TJP2: variants seen among roughly 807,000 people sequenced by gnomAD.
The protein encoded by TJP2 is Friedreich ataxia region gene X104 (tight junction protein ZO-2).
Under a neutral mutation model 133.1 loss-of-function variants are expected in TJP2, and 91 were observed. The ratio of observed to expected loss-of-function variants is 0.68; its 90% confidence interval spans 0.58 to 0.81. TJP2 has a LOEUF of 0.81. Among genes scored for constraint, TJP2 ranks in the 40% least tolerant of loss-of-function variants. The probability of loss-of-function intolerance (pLI) is 0.00; values close to 1 mark genes in which losing one functional copy is unlikely to be tolerated. For synonymous variants in TJP2, 592 were observed against 583.4 expected (o/e 1.01, Z -0.21); for missense variants, 1,541 against 1,565.6 (o/e 0.98, Z 0.26).
intron 5 of TJP2, among the ~76,000 whole-genome samples, chr9:69,223,402 G>A (rs926767338): frequency 6.6e-5 from 10 of 152,178 alleles, no homozygotes; most frequent in Non-Finnish European, 1.3e-4. Context: ...CCATCTCCCG[G>A]GTTCACACCA....
chr9:69,206,577 A>T (rs1827426906), intron 1 of TJP2, among the ~76,000 whole-genome samples: 1 of 150,388 alleles, frequency 6.6e-6, no homozygotes, highest in African/African-American at 2.4e-5. Context: ...TTATTTATTT[A>T]ATTTTTTTAT....
chr9:69,212,457 C>CT, intron 1 of TJP2, 91 bp from the exon 2 acceptor site: 1 of 986,416 alleles, frequency 1.0e-6, no homozygotes, highest in Non-Finnish European at 1.6e-6. Context: ...GTGAGCTGGA[C>CT]TTTATGTCGA....
chr9:69,160,420 C>T (rs929196682), intron 2 of TJP2, among the ~76,000 whole-genome samples: 3 of 152,136 alleles, frequency 2.0e-5, no homozygotes, highest in South Asian at 2.1e-4. Context: ...TTTGATGTAC[C>T]TTCTACAAAC....
intron 1 of TJP2, among the ~76,000 whole-genome samples, chr9:69,130,681 G>A (rs1408120782): frequency 1.3e-5 from 2 of 152,150 alleles, no homozygotes; most frequent in Non-Finnish European, 2.9e-5. Flanking sequence ...CAGGGGCTTG[G>A]TGGAGCTGTG....
chr9:69,187,403 G>C (rs946540), intron 1 of TJP2, among the ~76,000 whole-genome samples: 70,588 of 152,010 alleles, frequency 0.46, 16,641 homozygotes, highest in South Asian at 0.53. Context: ...TTATATTTGT[G>C]TTGTCAAAAC....
intron 1 of TJP2, among the ~76,000 whole-genome samples, chr9:69,134,289 C>T (rs1185511334): frequency 1.3e-5 from 2 of 152,190 alleles, no homozygotes; most frequent in Non-Finnish European, 2.9e-5. Flanking sequence ...CAGAGCAGAG[C>T]TTACAGTCTG....
chr9:69,234,398 C>CTTTTT (rs202100183), intron 11 of TJP2, 41 bp from the exon 12 acceptor site: 14 of 982,960 alleles, frequency 1.4e-5, no homozygotes, highest in East Asian at 8.4e-5. Context: ...TTCTTTCTTT[C>CTTTTT]TTTTTTTTTT....
intron 1 of TJP2, among the ~76,000 whole-genome samples, chr9:69,132,821 G>T (rs1822556428): frequency 6.6e-6 from 1 of 152,176 alleles, no homozygotes; most frequent in Non-Finnish European, 1.5e-5. Flanking sequence ...CTTAGTGGGA[G>T]TTCAGAAGGC....
chr9:69,247,390 A>G (rs182688858), intron 18 of TJP2, among the ~76,000 whole-genome samples: 30 of 152,268 alleles, frequency 2.0e-4, no homozygotes, highest in Middle Eastern at 3.4e-3. Context: ...TTTATTTTAG[A>G]AGCTTTTGGT....
In TJP2 at chr9:69,236,162, G is replaced by C; in HGVS notation, c.1915G>C (p.Asp639His). The change falls in exon 13 of 23, where the codon GAC becomes CAC. Residue 639 changes from aspartate to histidine, a missense_variant. Coordinates refer to ENST00000377245, the MANE Select transcript of TJP2 (RefSeq NM_004817.4). Reference sequence around the variant, plus strand: ...CTTCCGAGTGGTAGACACACTGTATGACGGCAAGCTGGGCAACTGGCTGGC... The same window carrying C: ...CTTCCGAGTGGTAGACACACTGTATCACGGCAAGCTGGGCAACTGGCTGGC... ...EVFRVVDTLY[D>H]GKLGNWLAVR... The C allele has an allele frequency of 6.2e-7, 1 of 1,614,194 alleles. No homozygotes were observed. The highest frequency in any genetic ancestry group is 8.5e-7 in the Non-Finnish European group (1 of 1,180,032).
In TJP2 at chr9:69,254,335, C is replaced by T. The variant is rs1280977016; in HGVS notation, c.3534C>T (p.Tyr1178=). 1.2e-6 allele frequency: 2 copies of T among 1,614,238 alleles called. No individual in the cohort carries two copies. The highest frequency in any genetic ancestry group is 2.7e-5 in the African/African-American group (2 of 75,058). Residue 1178 remains tyrosine (Y), a synonymous_variant, in exon 23 of 23, where the codon TAC becomes TAT. Coordinates refer to ENST00000377245, the MANE Select transcript of TJP2 (RefSeq NM_004817.4). ...QQLSEHSKRG[Y]YGQSARYRDT... The stretch of plus-strand genomic sequence containing the variant: ...TGTCAGAACACTCCAAGCGCGGTTA[C>T]TATGGCCAGTCTGCCCGATACCGGG...
At chr9:69,153,984 T>C (rs971831933) in intron 2 of TJP2, among the ~76,000 whole-genome samples, 1 of 152,186 alleles carries the variant, frequency 6.6e-6, no homozygotes, top group Admixed American at 6.5e-5. Context: ...GGGCCTTTTA[T>C]GTGCCAAGCA....
chr9:69,133,865 C>A (rs983905724), intron 1 of TJP2, among the ~76,000 whole-genome samples: 9 of 152,054 alleles, frequency 5.9e-5, no homozygotes. Context: ...TTTTCTGGCT[C>A]TTGAACACAC....
intron 2 of TJP2, among the ~76,000 whole-genome samples, chr9:69,164,789 G>A (rs979786630): frequency 9.2e-5 from 14 of 152,162 alleles, no homozygotes; most frequent in Non-Finnish European, 4.4e-5. Context: ...CCGGAAAGCC[G>A]GGAAGTGAAT....
At chr9:69,247,454 G>T (rs1401009356) in intron 18 of TJP2, among the ~76,000 whole-genome samples, 1 of 152,210 alleles carries the variant, frequency 6.6e-6, no homozygotes, top group Non-Finnish European at 1.5e-5. Flanking sequence ...ACTTGACAGT[G>T]ACTATTTTGT....
At chr9:69,226,358 G>C (rs924524506) in intron 7 of TJP2, among the ~76,000 whole-genome samples, 183 bp downstream of exon 7, 1 of 152,180 alleles carries the variant, frequency 6.6e-6, no homozygotes, top group Non-Finnish European at 1.5e-5. Context: ...ATTGAAATTA[G>C]GTTTCCAATA....
At chr9:69,240,824 A>G (rs1048490399) in intron 17 of TJP2, among the ~76,000 whole-genome samples, 11 of 151,972 alleles carry the variant, frequency 7.2e-5, no homozygotes, top group African/African-American at 2.4e-4. Flanking sequence ...AAAAAAATCT[A>G]GAAACTTGGA....
intron 1 of TJP2, among the ~76,000 whole-genome samples, chr9:69,202,012 A>G (rs1250172761): frequency 6.6e-6 from 1 of 152,170 alleles, no homozygotes; most frequent in African/African-American, 2.4e-5. Flanking sequence ...TTGCAAGATG[A>G]AGAGTTCTTG....
At chr9:69,150,976 A>G (rs1823445530) in intron 1 of TJP2, among the ~76,000 whole-genome samples, 1 of 152,226 alleles carries the variant, frequency 6.6e-6, no homozygotes. Flanking sequence ...ATGAACCCTG[A>G]ATACATTATG....
Sources: gnomAD v4.1 joint callset for allele counts (sites outside exome capture counted in the v4.1 genomes callset) on GRCh38, gnomAD v4.1.1 for gene constraint, MANE v1.5 for transcripts, NCBI Gene and HGNC (gene_info 2026-07-23, HGNC 2026-07-21) for gene names.